The following DENND2B variants were observed in gnomAD, a reference collection of about 807,000 sequenced individuals.
The protein encoded by DENND2B is DENN domain-containing protein 2B.
DENND2B carries 32 observed loss-of-function variants against 116.0 expected under a neutral mutation model. That is an observed-to-expected ratio of 0.28 (90% CI 0.21 to 0.37). DENND2B has a LOEUF of 0.37. DENND2B is among the 10% of genes least tolerant of loss of function. The probability of loss-of-function intolerance (pLI) is 1.00; values close to 1 mark genes in which losing one functional copy is unlikely to be tolerated. For synonymous variants in DENND2B, 588 were observed against 583.9 expected, an observed-to-expected ratio of 1.01 and a Z score of -0.10; for missense variants, 1,276 against 1,477.7, an observed-to-expected ratio of 0.86 and a Z score of 2.24.
chr11:8,702,152 C>T lies in DENND2B; in HGVS notation c.2720+420G>A, dbSNP rs1170975481. 6.6e-6 allele frequency among the ~76,000 whole-genome samples: 1 copy of T among 152,186 alleles called. No homozygotes were observed. The highest frequency in any genetic ancestry group is 1.5e-5 in the Non-Finnish European group (1 of 68,032). On this transcript the variant is annotated intron_variant, in intron 14 of 19. Coordinates refer to ENST00000313726, the MANE Select transcript of DENND2B (RefSeq NM_213618.2). This position sits in a 1 kb window ranked among gnomAD's most constrained non-coding sequence, Gnocchi z 4.6. The stretch of plus-strand genomic sequence containing the variant: ...TTCCTCACACTGTCCCCGGTCAGTG[C>T]TCTTGCCCCTTCCTCACAGCAGCTC...
intron 18 of DENND2B, 77 bp from the exon 19 acceptor site, chr11:8,695,626 A>G (rs1273985376): frequency 6.3e-6 from 8 of 1,266,592 alleles, no homozygotes; most frequent in Non-Finnish European, 9.1e-6. Flanking sequence ...GAAGGGAACC[A>G]TGGAGCACAG....
intron 4 of DENND2B, chr11:8,831,794 C>T (rs1157164403): frequency 6.6e-6 from 1 of 151,996 alleles, no homozygotes; most frequent in Non-Finnish European, 1.5e-5. Context: ...TAACTTCTAC[C>T]CAGTGTGTGT....
At chr11:8,776,789 C>T (rs759819475) in intron 1 of DENND2B, 1 of 157,068 alleles carries the variant, frequency 6.4e-6, no homozygotes, top group Non-Finnish European at 1.4e-5. Context: ...CAATAATAGC[C>T]ATGGTCAACT....
intron 2 of DENND2B, among the ~76,000 whole-genome samples, chr11:8,862,356 G>C (rs1346383407): frequency 8.7e-6 from 1 of 115,466 alleles, no homozygotes; most frequent in Non-Finnish European, 1.7e-5. Flanking sequence ...TTGAGACAGG[G>C]TCTCACTCTG....
At chr11:8,694,256 G>A (rs1187595139) in intron 19 of DENND2B, 126 bp from the exon 20 acceptor site, 1 of 1,122,304 alleles carries the variant, frequency 8.9e-7, no homozygotes, top group African/African-American at 1.5e-5. Context: ...GATTATAACT[G>A]TGATCTGATC....
intron 1 of DENND2B, among the ~76,000 whole-genome samples, chr11:8,906,111 C>T (rs2064232640): frequency 6.6e-6 from 1 of 151,462 alleles, no homozygotes; most frequent in African/African-American, 2.4e-5. Flanking sequence ...ATGTTGACAA[C>T]TCTGTAAATT....
At chr11:8,746,692 T>C (rs911319396) in intron 2 of DENND2B, among the ~76,000 whole-genome samples, 1 of 151,966 alleles carries the variant, frequency 6.6e-6, no homozygotes, top group Non-Finnish European at 1.5e-5. Context: ...TAGAGAACAG[T>C]GAACTATTAG....
chr11:8,769,253 T>TG (rs1274854338), intron 1 of DENND2B, among the ~76,000 whole-genome samples: 1 of 151,530 alleles, frequency 6.6e-6, no homozygotes, highest in East Asian at 1.9e-4. Flanking sequence ...TTTTTTTTTT[T>TG]TGAGACAAGA....
At chr11:8,802,116 T>C (rs369914433) in intron 1 of DENND2B, among the ~76,000 whole-genome samples, 1 of 150,756 alleles carries the variant, frequency 6.6e-6, no homozygotes, top group South Asian at 2.1e-4. Flanking sequence ...GCGTGGCTAA[T>C]ATGGCGAAAC....
upstream of DENND2B, among the ~76,000 whole-genome samples, chr11:8,871,571 C>T (rs997085040): frequency 1.3e-5 from 2 of 152,138 alleles, no homozygotes; most frequent in Admixed American, 6.5e-5. Context: ...TTCCCTTCTC[C>T]CAGTTCTCGG....
chr11:8,702,732 CG>C lies in DENND2B; in HGVS notation c.2572-13del, dbSNP rs753057019. On this transcript the variant is annotated splice_polypyrimidine_tract_variant and intron_variant, in intron 13 of 19. Transcript: ENST00000313726. The surrounding 1 kb of genome is among the most constrained non-coding windows in gnomAD (Gnocchi z 4.6). ...CGCAGCTCTAACACCTGCAGGAGAG[CG>C]ATGGGAAAGTGGGCCGGGGCCAGCC... 3.6e-5 allele frequency: 58 copies of C among 1,610,464 alleles called. No homozygotes were observed. In the African/African-American group the frequency reaches 7.3e-4, roughly 20 times the overall value.
rs71059187 is a variant in DENND2B, at chr11:8,854,016, A to ATT, written c.-156+3325_-156+3326dup. On this transcript the variant is annotated intron_variant, in intron 3 of 6. Transcript: ENST00000524757. Reference sequence around the variant, plus strand: ...GGTGAATGCCACCATGCCCCAGTTAATTTTTTTTTTTTTTTTTTTTTTTTT... The same window carrying ATT: ...GGTGAATGCCACCATGCCCCAGTTAATTTTTTTTTTTTTTTTTTTTTTTTTTT... Among the ~76,000 whole-genome samples the ATT allele has an allele frequency of 7.5e-3, 468 of 62,752 alleles. 41 individuals carry two copies. Among genetic ancestry groups the ATT allele is most frequent in the African/African-American group, 0.023 (374 of 16,066 alleles). The allele number at this position is 62,752 out of a possible 152,430, so 41.2% of individuals were successfully genotyped here. A position where few individuals can be genotyped will look rare whatever the true frequency, so the allele number is the denominator to read the frequency against.
chr11:8,903,237 A>G (rs1188479902), intron 1 of DENND2B, among the ~76,000 whole-genome samples: 3 of 151,988 alleles, frequency 2.0e-5, no homozygotes, highest in African/African-American at 4.8e-5. Flanking sequence ...ACATGGTGAA[A>G]CCCTGTCTCT....
chr11:8,826,804 G>A (rs980376679), intron 4 of DENND2B, among the ~76,000 whole-genome samples: 4 of 152,174 alleles, frequency 2.6e-5, no homozygotes, highest in Admixed American at 6.5e-5. Flanking sequence ...ATGTTTCTGC[G>A]GAAGAGAGCT....
At chr11:8,735,548 C>A (rs2133955830) in intron 2 of DENND2B, among the ~76,000 whole-genome samples, 1 of 152,380 alleles carries the variant, frequency 6.6e-6, no homozygotes, top group Admixed American at 6.5e-5. Context: ...TTGGCCCATC[C>A]CATCCCAATG....
chr11:8,887,691 C>T (rs760477124), intron 1 of DENND2B, among the ~76,000 whole-genome samples: 68 of 152,210 alleles, frequency 4.5e-4, no homozygotes, highest in Non-Finnish European at 7.8e-4. Context: ...GCCCCACATA[C>T]CTTATGCCCA....
At chr11:8,855,617 A>G (rs529345700) in intron 3 of DENND2B, among the ~76,000 whole-genome samples, 46 of 152,048 alleles carry the variant, frequency 3.0e-4, no homozygotes, top group African/African-American at 1.1e-3. Flanking sequence ...AGCAACTTTC[A>G]TAGGAAGGAG....
intron 4 of DENND2B, among the ~76,000 whole-genome samples, chr11:8,725,375 C>CT (rs759022754): frequency 0.021 from 1,691 of 82,092 alleles, 49 homozygotes; most frequent in African/African-American, 0.054. Flanking sequence ...TGAAATATTA[C>CT]TTTTTTTTTT....
chr11:8,820,443 G>A (rs2061718551), intron 4 of DENND2B, among the ~76,000 whole-genome samples: 1 of 152,114 alleles, frequency 6.6e-6, no homozygotes, highest in Non-Finnish European at 1.5e-5. Flanking sequence ...TCCTAAGTAT[G>A]CAGAATAAAT....
Sources: gnomAD v4.1 joint callset for allele counts (sites outside exome capture counted in the v4.1 genomes callset) on GRCh38, gnomAD v4.1.1 for gene constraint, Gnocchi (gnomAD v3.1) non-coding constraint, MANE v1.5 for transcripts, NCBI Gene and HGNC (gene_info 2026-07-23, HGNC 2026-07-21) for gene names.